GALNT13: variants seen among roughly 807,000 people sequenced by gnomAD.
GALNT13 encodes polypeptide N-acetylgalactosaminyltransferase 13, also known as UDP-GalNAc:polypeptide N-acetylgalactosaminyltransferase 13.
Under a neutral mutation model 64.2 loss-of-function variants are expected in GALNT13, and 28 were observed. That is an observed-to-expected ratio of 0.44 (90% CI 0.32 to 0.60). The LOEUF (loss-of-function observed/expected upper bound fraction) is 0.60. Ranked by LOEUF, GALNT13 falls within the 20% of genes least tolerant of loss-of-function variation. The probability of loss-of-function intolerance (pLI) is 0.05; values close to 1 mark genes in which losing one functional copy is unlikely to be tolerated. For synonymous variants in GALNT13, 214 were observed against 224.6 expected, an observed-to-expected ratio of 0.95 and a Z score of 0.42; for missense variants, 577 against 669.8, an observed-to-expected ratio of 0.86 and a Z score of 1.53.
chr2:153,269,298 C>G, the GALNT13 span, among the ~76,000 whole-genome samples: 9 of 152,176 alleles, frequency 5.9e-5, no homozygotes, highest in Non-Finnish European at 1.5e-5. Flanking sequence ...ATTTCTTCCT[C>G]CAGATACCCT....
chr2:153,406,840 T>C, the GALNT13 span, among the ~76,000 whole-genome samples: 1 of 152,172 alleles, frequency 6.6e-6, no homozygotes, highest in South Asian at 2.1e-4. Context: ...GAATTGAACT[T>C]AGTAATTAAT....
chr2:153,139,431 T>C, the GALNT13 span, among the ~76,000 whole-genome samples: 786 of 152,048 alleles, frequency 5.2e-3, 2 homozygotes, highest in African/African-American at 0.015. Flanking sequence ...AAGTAGAGCA[T>C]GATAAGATTT....
At chr2:154,430,509 A>C (rs1700663217) in intron 11 of GALNT13, among the ~76,000 whole-genome samples, 1 of 152,216 alleles carries the variant, frequency 6.6e-6, no homozygotes, top group Non-Finnish European at 1.5e-5. Context: ...ATCAATGATC[A>C]AGAAAAGTGG....
intron 4 of GALNT13, among the ~76,000 whole-genome samples, chr2:154,241,490 A>G (rs554422278): frequency 1.9e-4 from 29 of 152,336 alleles, no homozygotes; most frequent in African/African-American, 5.3e-4. Flanking sequence ...GGATGCATTT[A>G]GTAGATTCTG....
chr2:153,305,344 C>T, the GALNT13 span, among the ~76,000 whole-genome samples: 2 of 152,176 alleles, frequency 1.3e-5, no homozygotes, highest in Non-Finnish European at 2.9e-5. Context: ...GAGTATCTGT[C>T]ATCAAACCCC....
the GALNT13 span, among the ~76,000 whole-genome samples, chr2:153,154,480 T>C: frequency 6.6e-6 from 1 of 152,294 alleles, no homozygotes; most frequent in South Asian, 2.1e-4. Flanking sequence ...GTTAGCTATA[T>C]TCCTAGGTAT....
chr2:154,279,527 T>C (rs1047327340), intron 8 of GALNT13, among the ~76,000 whole-genome samples: 3 of 152,180 alleles, frequency 2.0e-5, no homozygotes, highest in Non-Finnish European at 4.4e-5. Context: ...TAATCACAGC[T>C]TCTTCAACAA....
At chr2:153,372,161 G>C in the GALNT13 span, among the ~76,000 whole-genome samples, 1 of 152,306 alleles carries the variant, frequency 6.6e-6, no homozygotes. Flanking sequence ...TAGAATTGGA[G>C]TGGGGAATGG....
the GALNT13 span, among the ~76,000 whole-genome samples, chr2:153,121,103 A>T: frequency 1.3e-5 from 2 of 152,166 alleles, no homozygotes; most frequent in African/African-American, 4.8e-5. Flanking sequence ...ACATGATGGC[A>T]TTCTTGGATT....
At chr2:153,964,383 A>G (rs1693175830) in intron 3 of GALNT13, among the ~76,000 whole-genome samples, 1 of 152,214 alleles carries the variant, frequency 6.6e-6, no homozygotes, top group African/African-American at 2.4e-5. Context: ...CAGGAAATGG[A>G]GGTTGCAGTG....
chr2:153,532,771 T>G, the GALNT13 span, among the ~76,000 whole-genome samples: 1 of 152,228 alleles, frequency 6.6e-6, no homozygotes, highest in East Asian at 1.9e-4. Flanking sequence ...CCCTAAATCA[T>G]GACTCTCAAG....
At chr2:153,926,620 C>T (rs1690154291) in intron 2 of GALNT13, among the ~76,000 whole-genome samples, 1 of 152,070 alleles carries the variant, frequency 6.6e-6, no homozygotes, top group South Asian at 2.1e-4. Flanking sequence ...AATCAGGCTT[C>T]GTTTTAATGG....
the GALNT13 span, among the ~76,000 whole-genome samples, chr2:153,661,243 G>A: frequency 6.6e-6 from 1 of 152,098 alleles, no homozygotes; most frequent in Non-Finnish European, 1.5e-5. Context: ...GCTTTCAAGA[G>A]TTCTTGGTTA....
intron 12 of GALNT13, among the ~76,000 whole-genome samples, chr2:154,439,806 A>G (rs1443940442): frequency 6.6e-6 from 1 of 152,176 alleles, no homozygotes; most frequent in African/African-American, 2.4e-5. Context: ...ACACTCATAC[A>G]GTGTTACCAG....
At chr2:154,135,804 G>C (rs748319629) in intron 3 of GALNT13, among the ~76,000 whole-genome samples, 28 of 152,074 alleles carry the variant, frequency 1.8e-4, no homozygotes, top group Non-Finnish European at 2.6e-4. Context: ...CTTCAGTCTA[G>C]GTGACATAGA....
At chr2:153,434,970 C>G in the GALNT13 span, among the ~76,000 whole-genome samples, 15 of 152,166 alleles carry the variant, frequency 9.9e-5, no homozygotes, top group African/African-American at 3.1e-4. Flanking sequence ...TAGGTCTAAC[C>G]TGTAAGTCTT....
chr2:153,891,377 A>C (rs144347101), intron 1 of GALNT13, among the ~76,000 whole-genome samples: 3 of 151,956 alleles, frequency 2.0e-5, no homozygotes, highest in African/African-American at 7.2e-5. Context: ...TTTTCTTCTC[A>C]AATTCCACTG....
At chr2:153,353,983 A>G in the GALNT13 span, among the ~76,000 whole-genome samples, 2 of 152,062 alleles carry the variant, frequency 1.3e-5, no homozygotes, top group East Asian at 3.9e-4. Context: ...GGTGTCATTT[A>G]TTTCTTACAT....
intron 11 of GALNT13, among the ~76,000 whole-genome samples, chr2:154,426,521 A>G (rs10181204): frequency 0.13 from 20,257 of 152,204 alleles, 1,512 homozygotes; most frequent in African/African-American, 0.18. Context: ...ATAAAAAGCA[A>G]TATGTGTACA....
Sources: allele counts gnomAD v4.1 joint callset (sites outside exome capture counted in the v4.1 genomes callset), GRCh38; gene constraint gnomAD v4.1.1; transcripts MANE v1.5; gene names NCBI Gene and HGNC (gene_info 2026-07-23, HGNC 2026-07-21).